The following TRAPPC9 variants were observed in gnomAD, a reference collection of about 807,000 sequenced individuals.
TRAPPC9 encodes the protein trafficking protein particle complex subunit 9, also known as IKK2 binding protein.
TRAPPC9 carries 83 observed loss-of-function variants against 124.0 expected under a neutral mutation model. The observed-to-expected ratio is 0.67, with a 90% CI of 0.56 to 0.80. The LOEUF (loss-of-function observed/expected upper bound fraction) is 0.80. TRAPPC9 is among the 30% of genes least tolerant of loss of function. TRAPPC9 has a pLI of 0.00. For synonymous variants in TRAPPC9, 638 were observed against 617.5 expected, an observed-to-expected ratio of 1.03 and a Z score of -0.49; for missense variants, 1,302 against 1,508.3, an observed-to-expected ratio of 0.86 and a Z score of 2.27.
chr8:139,975,707 C>G (rs982428959), intron 19 of TRAPPC9, among the ~76,000 whole-genome samples: 3 of 152,148 alleles, frequency 2.0e-5, no homozygotes, highest in Admixed American at 6.5e-5. Flanking sequence ...CATCAGCATC[C>G]AGGCCATGGG....
rs142393688 is a variant in TRAPPC9 at position 140,223,143 on chromosome 8, G to C, written c.2432-1560C>G. On this transcript the variant is annotated intron_variant, in intron 16 of 22. Coordinates refer to ENST00000438773, the MANE Select transcript of TRAPPC9 (RefSeq NM_001160372.4). ...CACGTATTAAACCCAGCATGCATTA[G>C]CTATTTTTCCTAATGCTCTCCCTCC... Among the ~76,000 whole-genome samples, 411 of 152,270 alleles carry C rather than the reference G, an allele frequency of 2.7e-3. 3 individuals carry two copies. Among genetic ancestry groups the C allele is most frequent in the African/African-American group, 9.3e-3 (388 of 41,550 alleles).
chr8:140,283,863 T>C (rs1334718459), intron 14 of TRAPPC9, 26 bp downstream of exon 14: 1 of 1,613,492 alleles, frequency 6.2e-7, no homozygotes, highest in Non-Finnish European at 8.5e-7. Context: ...AGAGCCACTC[T>C]GCTCTGTGAC....
At chr8:139,969,404 G>A (rs1275273950) in intron 19 of TRAPPC9, among the ~76,000 whole-genome samples, 1 of 152,216 alleles carries the variant, frequency 6.6e-6, no homozygotes, top group African/African-American at 2.4e-5. Flanking sequence ...TGGAGAAAAC[G>A]TGATTCATAT....
intron 17 of TRAPPC9, chr8:140,095,028 T>A (rs1844840141): frequency 6.6e-6 from 1 of 152,234 alleles, no homozygotes; most frequent in Non-Finnish European, 1.5e-5. Flanking sequence ...AGAATTGGAT[T>A]TCCAGAAGCC....
At chr8:140,011,970 G>A (rs1012205011) in intron 18 of TRAPPC9, among the ~76,000 whole-genome samples, 5 of 152,008 alleles carry the variant, frequency 3.3e-5, no homozygotes, top group African/African-American at 1.2e-4. Flanking sequence ...GAGCCACTGC[G>A]CCAGACAATT....
At chr8:139,865,358 C>A (rs967099202) in intron 21 of TRAPPC9, among the ~76,000 whole-genome samples, 1 of 152,184 alleles carries the variant, frequency 6.6e-6, no homozygotes, top group African/African-American at 2.4e-5. Flanking sequence ...CATTCATTCA[C>A]AAAACAAGTA....
intron 19 of TRAPPC9, among the ~76,000 whole-genome samples, chr8:139,937,260 G>T (rs143939052): frequency 6.6e-6 from 1 of 152,242 alleles, no homozygotes; most frequent in East Asian, 1.9e-4. Context: ...AACACAAAAC[G>T]ATCCCAATTT....
Position 139,862,440 on chromosome 8 carries a change from G to A in TRAPPC9, c.3055+23439C>T, listed in dbSNP as rs556478650. On this transcript the variant is annotated intron_variant, in intron 21 of 22. Coordinates refer to ENST00000438773, the MANE Select transcript of TRAPPC9 (RefSeq NM_001160372.4). The stretch of plus-strand genomic sequence containing the variant: ...GACGGAGCACCAGCCTTGGGCCTTG[G>A]GGAGAGGATGTCAGCAAGAGCTGCC... 1.8e-3 allele frequency among the ~76,000 whole-genome samples: 277 copies of A among 152,356 alleles called. 2 individuals are homozygous for A. Among genetic ancestry groups the A allele is most frequent in the African/African-American group, 6.1e-3 (253 of 41,584 alleles).
upstream of TRAPPC9, chr8:140,458,196 G>A: frequency 6.5e-6 from 10 of 1,549,698 alleles, no homozygotes; most frequent in Non-Finnish European, 8.7e-6. Flanking sequence ...AGGGACCGGA[G>A]CAAGAGAACA....
chr8:140,003,334 GGAGGCT>G (rs1323762598), intron 18 of TRAPPC9, among the ~76,000 whole-genome samples: 8 of 152,054 alleles, frequency 5.3e-5, no homozygotes, highest in Non-Finnish European at 1.2e-4. Flanking sequence ...CAGCACTTTG[GGAGGCT>G]GAGGCAGGTG....
intron 7 of TRAPPC9, among the ~76,000 whole-genome samples, chr8:140,388,019 T>A (rs1002335619): frequency 2.6e-5 from 4 of 152,102 alleles, no homozygotes; most frequent in African/African-American, 9.6e-5. Context: ...GTAGCACATG[T>A]ACACCATGGA....
intron 19 of TRAPPC9, among the ~76,000 whole-genome samples, chr8:139,939,294 G>A (rs752659066): frequency 2.6e-5 from 4 of 152,198 alleles, no homozygotes; most frequent in Non-Finnish European, 5.9e-5. Flanking sequence ...AAGGAGCATA[G>A]GAGCCAGGGC....
At chr8:140,207,596 T>C (rs1171374098) in intron 17 of TRAPPC9, among the ~76,000 whole-genome samples, 1 of 152,208 alleles carries the variant, frequency 6.6e-6, no homozygotes, top group African/African-American at 2.4e-5. Context: ...TTTAAGAGAA[T>C]AGTTCGTGAG....
At chr8:140,040,475 AG>A (rs1289141821) in intron 17 of TRAPPC9, 2 of 152,332 alleles carry the variant, frequency 1.3e-5, no homozygotes, top group East Asian at 1.9e-4. Flanking sequence ...GCTCACTGCA[AG>A]CTCCACCTCC....
At chr8:140,310,407 C>T (rs1025713776) in intron 10 of TRAPPC9, among the ~76,000 whole-genome samples, 2 of 152,128 alleles carry the variant, frequency 1.3e-5, no homozygotes, top group African/African-American at 2.4e-5. Context: ...CACTTCCACT[C>T]GACAGCAAAA....
intron 11 of TRAPPC9, 115 bp from the exon 12 acceptor site, chr8:140,291,193 TATGATCTTCTTGAG>T: frequency 1.1e-6 from 1 of 936,358 alleles, no homozygotes; most frequent in Non-Finnish European, 1.7e-6. Context: ...CAGCAGGCTC[TATGATCTTCTTGAG>T]ATGGGTGATT....
At chr8:140,224,506 T>C (rs1026808720) in intron 16 of TRAPPC9, among the ~76,000 whole-genome samples, 1 of 152,116 alleles carries the variant, frequency 6.6e-6, no homozygotes, top group African/African-American at 2.4e-5. Context: ...GTGTTCCCCA[T>C]GGAGAGTGGA....
intron 9 of TRAPPC9, among the ~76,000 whole-genome samples, chr8:140,327,716 CA>C (rs1161156018): frequency 6.6e-6 from 1 of 152,064 alleles, no homozygotes; most frequent in Admixed American, 6.5e-5. Context: ...GCAAATTCAT[CA>C]AGAGGAAAAG....
intron 17 of TRAPPC9, chr8:140,096,507 A>C (rs570541713): frequency 6.6e-6 from 1 of 152,366 alleles, no homozygotes; most frequent in South Asian, 2.1e-4. Flanking sequence ...CGTGAAAAGA[A>C]GGTAAGAAGT....
Sources: gnomAD v4.1 joint callset for allele counts (sites outside exome capture counted in the v4.1 genomes callset) on GRCh38, gnomAD v4.1.1 for gene constraint, MANE v1.5 for transcripts, NCBI Gene and HGNC (gene_info 2026-07-23, HGNC 2026-07-21) for gene names.